RNF125: variants seen among roughly 807,000 people sequenced by gnomAD.
RNF125 encodes the protein E3 ubiquitin-protein ligase RNF125.
A neutral mutation model predicts 26.0 loss-of-function variants in RNF125; 21 were observed. That is an observed-to-expected ratio of 0.81 (90% CI 0.57 to 1.16). RNF125 has a LOEUF of 1.16. Among genes scored for constraint, RNF125 ranks in the 50% most tolerant of loss-of-function variants. The pLI, the probability that RNF125 is intolerant of heterozygous loss-of-function variation, is 0.00. For missense variants in RNF125, 270 were observed against 299.4 expected (o/e 0.90, Z 0.72); for synonymous variants, 95 against 109.2 (o/e 0.87, Z 0.81).
At chr18:32,057,644 G>GT (rs934329823) in intron 4 of RNF125, among the ~76,000 whole-genome samples, 25 of 151,776 alleles carry the variant, frequency 1.6e-4, no homozygotes, top group East Asian at 1.9e-4. Context: ...CCAAATGACT[G>GT]TTTTTTTTAT....
intron 4 of RNF125, among the ~76,000 whole-genome samples, chr18:32,053,904 G>T (rs187133155): frequency 6.6e-6 from 1 of 151,916 alleles, no homozygotes; most frequent in Admixed American, 6.6e-5. Flanking sequence ...AGAAAGACTA[G>T]GGGGGGAGAC....
chr18:32,070,127 A>T lies in RNF125; in HGVS notation c.*1743A>T, dbSNP rs926593633. The T allele has an allele frequency of 6.6e-6, 1 of 150,692 alleles. No individual in the cohort carries two copies. The highest frequency in any genetic ancestry group is 2.4e-5 in the African/African-American group (1 of 40,870). The allele number at this position is 150,692 out of a possible 1,614,324, so 9.3% of individuals were successfully genotyped here. On this transcript the variant is annotated 3_prime_UTR_variant, in exon 6 of 6. Coordinates refer to ENST00000217740, the MANE Select transcript of RNF125 (RefSeq NM_017831.4). Reference sequence around the variant, plus strand: ...ACGATCTCGACTCACTGCAACCTCCATCTCCCGGGTTCAAGCAGTTCTCCT... The same window carrying T: ...ACGATCTCGACTCACTGCAACCTCCTTCTCCCGGGTTCAAGCAGTTCTCCT...
At chr18:32,076,727 C>A (rs1216098418), downstream of RNF125, among the ~76,000 whole-genome samples, 1 of 152,172 alleles carries the variant, frequency 6.6e-6, no homozygotes, top group African/African-American at 2.4e-5. Flanking sequence ...TCCCTTGATC[C>A]TTATACTTCG....
chr18:32,086,667 C>T, the RNF125 span, among the ~76,000 whole-genome samples: 1 of 152,066 alleles, frequency 6.6e-6, no homozygotes, highest in South Asian at 2.1e-4. Flanking sequence ...ATTACAGGCT[C>T]CTGCCACCAC....
downstream of RNF125, among the ~76,000 whole-genome samples, chr18:32,074,637 G>T (rs1046647081): frequency 6.6e-6 from 1 of 152,100 alleles, no homozygotes; most frequent in Non-Finnish European, 1.5e-5. Context: ...CCACCTCCCA[G>T]GTTCAAGCAA....
At chr18:32,062,955 C>T (rs965293369) in intron 4 of RNF125, among the ~76,000 whole-genome samples, 2 of 152,110 alleles carry the variant, frequency 1.3e-5, no homozygotes, top group Admixed American at 6.6e-5. Flanking sequence ...TGGGGTGGCT[C>T]ATGCTTGTAA....
intron 2 of RNF125, among the ~76,000 whole-genome samples, chr18:32,041,245 T>C (rs2039213385): frequency 6.6e-6 from 1 of 152,236 alleles, no homozygotes; most frequent in Non-Finnish European, 1.5e-5. Context: ...TATTCTGCAT[T>C]GATCAAAATG....
chr18:32,073,422 A>G (rs2039549481), downstream of RNF125, among the ~76,000 whole-genome samples: 3 of 152,128 alleles, frequency 2.0e-5, no homozygotes, highest in Admixed American at 2.0e-4. Flanking sequence ...TGAGATCTAG[A>G]TACAGGTCAG....
At chr18:32,043,476 G>C (rs2039239335) in intron 3 of RNF125, among the ~76,000 whole-genome samples, 1 of 152,146 alleles carries the variant, frequency 6.6e-6, no homozygotes, top group Admixed American at 6.6e-5. Context: ...AGATCGCCTT[G>C]CAAAAGTACC....
chr18:32,040,476 G>C (rs976642177), intron 2 of RNF125, among the ~76,000 whole-genome samples: 1 of 151,610 alleles, frequency 6.6e-6, no homozygotes, highest in African/African-American at 2.4e-5. Context: ...TTCCATATTG[G>C]TCAGGCTGGT....
At chr18:32,019,082 A>G (rs929314371) in intron 1 of RNF125, 55 bp downstream of exon 1, 4 of 1,587,100 alleles carry the variant, frequency 2.5e-6, no homozygotes, top group Non-Finnish European at 3.4e-6. Context: ...CGATGTGGGG[A>G]AGCTGAGGGC....
chr18:32,033,276 A>G (rs1053264203), intron 1 of RNF125, among the ~76,000 whole-genome samples: 1 of 152,156 alleles, frequency 6.6e-6, no homozygotes, highest in Non-Finnish European at 1.5e-5. Flanking sequence ...AAGTCAGGGA[A>G]TCCCTTCTCC....
intron 4 of RNF125, among the ~76,000 whole-genome samples, chr18:32,055,634 A>G (rs541468006): frequency 6.6e-6 from 1 of 152,228 alleles, no homozygotes; most frequent in East Asian, 1.9e-4. Context: ...CCCATGATTC[A>G]ATTACCTACA....
the RNF125 span, among the ~76,000 whole-genome samples, chr18:32,082,899 C>T: frequency 9.2e-5 from 14 of 152,266 alleles, no homozygotes; most frequent in East Asian, 2.5e-3. Context: ...TATACCCATC[C>T]TCTCTCCCCA....
chr18:32,063,301 AAAGT>A (rs1180851906), intron 4 of RNF125, among the ~76,000 whole-genome samples: 2 of 152,054 alleles, frequency 1.3e-5, no homozygotes, highest in Non-Finnish European at 2.9e-5. Context: ...AAAATGTGAT[AAAGT>A]AATATATGTT....
intron 2 of RNF125, among the ~76,000 whole-genome samples, chr18:32,038,120 CCCACTG>C (rs1480343495): frequency 6.7e-6 from 1 of 149,182 alleles, no homozygotes; most frequent in Non-Finnish European, 1.5e-5. Flanking sequence ...GCCATCTCGG[CCCACTG>C]CAAGCTCCGC....
At chr18:32,052,180 G>GA (rs201727298) in intron 4 of RNF125, among the ~76,000 whole-genome samples, 16 of 150,152 alleles carry the variant, frequency 1.1e-4, no homozygotes, top group African/African-American at 3.2e-4. Flanking sequence ...ATTCTGGAAG[G>GA]AAAAAAAAAT....
At chr18:32,056,814 C>G (rs915928908) in intron 4 of RNF125, among the ~76,000 whole-genome samples, 3 of 152,074 alleles carry the variant, frequency 2.0e-5, no homozygotes, top group African/African-American at 7.2e-5. Flanking sequence ...TGGCTTTATG[C>G]CAACAATGAT....
intron 1 of RNF125, among the ~76,000 whole-genome samples, chr18:32,032,894 A>G (rs757125918): frequency 7.9e-5 from 12 of 152,258 alleles, no homozygotes; most frequent in South Asian, 2.1e-4. Context: ...AAAAAACCCA[A>G]TGGAGTATTC....
Sources: gnomAD v4.1 joint callset for allele counts (sites outside exome capture counted in the v4.1 genomes callset) on GRCh38, gnomAD v4.1.1 for gene constraint, MANE v1.5 for transcripts, NCBI Gene and HGNC (gene_info 2026-07-23, HGNC 2026-07-21) for gene names.